The following RPL28 variants were observed in gnomAD, a reference collection of about 807,000 sequenced individuals.
The protein encoded by RPL28 is ribosomal protein L28, also known as large ribosomal subunit protein eL28.
Under a neutral mutation model 12.5 loss-of-function variants are expected in RPL28, and 4 were observed. That is an observed-to-expected ratio of 0.32 (90% CI 0.16 to 0.73). The LOEUF (loss-of-function observed/expected upper bound fraction) is 0.73. Ranked by LOEUF, RPL28 falls within the 30% of genes least tolerant of loss-of-function variation. The pLI is 0.66. For synonymous variants in RPL28, 91 were observed against 72.5 expected (o/e 1.26, Z -1.30); for missense variants, 214 against 197.7 (o/e 1.08, Z -0.49).
chr19:55,402,887 T>G, intron 4 of RPL28: 1 of 1,439,082 alleles, frequency 6.9e-7, no homozygotes, highest in Non-Finnish European at 9.3e-7. Flanking sequence ...CCCCACCCTC[T>G]CTGCCATGTG....
intron 3 of RPL28, 22 bp from the exon 4 acceptor site, chr19:55,387,908 G>A (rs749805611): frequency 3.2e-6 from 5 of 1,544,224 alleles, no homozygotes; most frequent in Non-Finnish European, 4.4e-6. Context: ...CTGACCCCAG[G>A]ACCTCCCTGA....
At position 55,389,635 on chromosome 19, in the gene RPL28, C is replaced by T. The variant is rs149824413; in HGVS notation, c.*1303C>T. 87 of 985,518 alleles carry T rather than the reference C, an allele frequency of 8.8e-5. 1 individual carries two copies. In the Middle Eastern group the frequency reaches 1.6e-3, roughly 18 times the overall value. The allele number at this position is 985,518 out of a possible 1,614,324, so 61.0% of individuals were successfully genotyped here. The stretch of plus-strand genomic sequence containing the variant: ...GTTTTGAGGCAGACCACTGCCCTTC[C>T]GACCTCAGTCCTGTCTGCTCCAGTC... On this transcript the variant is annotated 3_prime_UTR_variant, in exon 5 of 5. Transcript: ENST00000344063.
At position 55,388,652 on chromosome 19, in the gene RPL28, A is replaced by T. The variant is rs1031552531; in HGVS notation, c.*320A>T. 2 of 1,157,618 alleles carry T rather than the reference A, an allele frequency of 1.7e-6. No homozygotes were observed. The highest frequency in any genetic ancestry group is 2.1e-6 in the Non-Finnish European group (2 of 940,850). 71.7% of individuals were successfully genotyped at this position (1,157,618 alleles called of 1,614,324 possible). On this transcript the variant is annotated 3_prime_UTR_variant, in exon 5 of 5. Transcript: ENST00000344063. ...CCAGCTGGGGCAGTGGCTTCCATTC[A>T]GAAGAAGAAAGGCCTTTTCTAGCCC...
chr19:55,396,282 C>T (rs563376892), downstream of RPL28, among the ~76,000 whole-genome samples: 1 of 150,464 alleles, frequency 6.6e-6, no homozygotes, highest in Non-Finnish European at 1.5e-5. Context: ...AAAAAAAAAA[C>T]TTTAAAATTA....
chr19:55,401,998 A>G (rs1387480726), intron 4 of RPL28, among the ~76,000 whole-genome samples: 2 of 152,222 alleles, frequency 1.3e-5, no homozygotes, highest in Admixed American at 6.5e-5. Context: ...CATAGGCCCA[A>G]TGGTTTAAAA....
chr19:55,402,407 C>T (rs1207792546), intron 4 of RPL28, among the ~76,000 whole-genome samples: 1 of 152,160 alleles, frequency 6.6e-6, no homozygotes, highest in Non-Finnish European at 1.5e-5. Context: ...CGAGGGTGGT[C>T]CAGAGATTCC....
intron 4 of RPL28, among the ~76,000 whole-genome samples, chr19:55,401,960 A>G (rs1042715258): frequency 1.3e-5 from 2 of 152,200 alleles, no homozygotes; most frequent in Admixed American, 1.3e-4. Flanking sequence ...CCTGCCTCAC[A>G]GCAGATGTTC....
intron 1 of RPL28, 143 bp downstream of exon 1, chr19:55,386,108 A>G (rs2089920638): frequency 1.9e-6 from 1 of 515,626 alleles, no homozygotes. Context: ...GTGAATTTTC[A>G]AGTTATTTTC....
chr19:55,398,575 A>C (rs925140565), intron 4 of RPL28, among the ~76,000 whole-genome samples: 1 of 152,196 alleles, frequency 6.6e-6, no homozygotes, highest in African/African-American at 2.4e-5. Context: ...GTACCTTTAC[A>C]TGTGTTGAGT....
In RPL28 at chr19:55,391,739, A is replaced by T; in HGVS notation, c.*3407A>T. 12 of 1,503,786 alleles carry T rather than the reference A, an allele frequency of 8.0e-6. No homozygotes were observed. The highest frequency in any genetic ancestry group is 1.1e-5 in the Non-Finnish European group (12 of 1,112,522). The allele number at this position is 1,503,786 out of a possible 1,614,324, so 93.2% of individuals were successfully genotyped here. A position where few individuals can be genotyped will look rare whatever the true frequency, so the allele number is the denominator to read the frequency against. ...TGCTTGACTGTGCCCACAAATCCTG[A>T]TTGTAGGAATAAATTAATGACTTTT... On this transcript the variant is annotated 3_prime_UTR_variant, in exon 5 of 5. Coordinates refer to ENST00000344063, the MANE Select transcript of RPL28 (RefSeq NM_000991.5).
chr19:55,401,197 G>C (rs2090055023), intron 4 of RPL28: 1 of 578,632 alleles, frequency 1.7e-6, no homozygotes, highest in Admixed American at 3.3e-5. Flanking sequence ...GCTTTACAAG[G>C]ACCCAGGGCC....
At chr19:55,398,754 T>A (rs2090038401) in intron 4 of RPL28, among the ~76,000 whole-genome samples, 2 of 151,762 alleles carry the variant, frequency 1.3e-5, no homozygotes, top group African/African-American at 4.8e-5. Context: ...CAGACTGGAG[T>A]GCGGTGGTGC....
downstream of RPL28, among the ~76,000 whole-genome samples, chr19:55,396,845 G>A (rs1393966546): frequency 6.6e-6 from 1 of 151,660 alleles, no homozygotes; most frequent in Non-Finnish European, 1.5e-5. Context: ...CTCCCAAAGT[G>A]CTGGGATTAC....
At position 55,387,359 on chromosome 19, in the gene RPL28, C is replaced by T. The variant is rs571490832; in HGVS notation, c.206-571C>T. Reference sequence around the variant, plus strand: ...CCTTTTACTCAGTGGCAGCAACAAACGCAGTCTGTTGGCTAGTGATCCTCC... The same window carrying T: ...CCTTTTACTCAGTGGCAGCAACAAATGCAGTCTGTTGGCTAGTGATCCTCC... On this transcript the variant is annotated intron_variant, in intron 3 of 4. Coordinates refer to ENST00000344063, the MANE Select transcript of RPL28 (RefSeq NM_000991.5). 47 of 1,551,636 alleles carry T rather than the reference C, an allele frequency of 3.0e-5. No homozygotes were observed. In the Middle Eastern group the frequency reaches 6.7e-4, roughly 22 times the overall value.
Position 55,402,814 on chromosome 19 carries a change from G to A in RPL28, c.325-129G>A, listed in dbSNP as rs1212497625. ...GGAGGCGGTACATGTGGGAGGGAAG[G>A]GTTTGGGGTCTGTTTACCTTGGAGC... is the stretch of plus-strand genomic sequence containing the variant. On this transcript the variant is annotated intron_variant, in intron 4 of 4. Coordinates refer to the RPL28 transcript ENST00000560055. 27 of 725,926 alleles carry A rather than the reference G, an allele frequency of 3.7e-5. 1 individual carries two copies. Among genetic ancestry groups the A allele is most frequent in the Middle Eastern group, 3.9e-4 (1 of 2,542 alleles). The allele number at this position is 725,926 out of a possible 1,614,324, so 45.0% of individuals were successfully genotyped here. A position where few individuals can be genotyped will look rare whatever the true frequency, so the allele number is the denominator to read the frequency against.
downstream of RPL28, among the ~76,000 whole-genome samples, chr19:55,395,487 A>C (rs2090015473): frequency 7.3e-6 from 1 of 136,964 alleles, no homozygotes; most frequent in Non-Finnish European, 1.5e-5. Context: ...ACTCTCCCCC[A>C]GTCTGGAGTG....
intron 3 of RPL28, chr19:55,387,679 A>G (rs2089946094): frequency 7.2e-7 from 1 of 1,392,092 alleles, no homozygotes; most frequent in South Asian, 1.7e-5. Context: ...TGGCATGAGA[A>G]AGGAGTGTTT....
At chr19:55,386,081 C>T in intron 1 of RPL28, 116 bp downstream of exon 1, 2 of 451,194 alleles carry the variant, frequency 4.4e-6, no homozygotes, top group African/African-American at 2.0e-5. Context: ...ACCCCAACCC[C>T]TCCCCGTGAA....
chr19:55,389,615 G>A lies in RPL28; in HGVS notation c.*1283G>A. On this transcript the variant is annotated 3_prime_UTR_variant, in exon 5 of 5. Transcript: ENST00000344063. ...TACGGGGCTGGGAGCCCTGCGTTTTGAGGCAGACCACTGCCCTTCCGACCT... is the reference window on the plus strand; with the variant it reads ...TACGGGGCTGGGAGCCCTGCGTTTTAAGGCAGACCACTGCCCTTCCGACCT... 2 of 985,542 alleles carry A rather than the reference G, an allele frequency of 2.0e-6. No homozygotes were observed. Among genetic ancestry groups the A allele is most frequent in the Non-Finnish European group, 2.4e-6 (2 of 829,994 alleles). 61.0% of individuals were successfully genotyped at this position (985,542 alleles called of 1,614,324 possible).
Sources: allele counts gnomAD v4.1 joint callset (sites outside exome capture counted in the v4.1 genomes callset), GRCh38; gene constraint gnomAD v4.1.1; transcripts MANE v1.5; gene names NCBI Gene and HGNC (gene_info 2026-07-23, HGNC 2026-07-21).